Variants in ATP8B4 observed in about 807,000 individuals in gnomAD.
The protein encoded by ATP8B4 is probable phospholipid-transporting ATPase IM.
Under a neutral mutation model 145.6 loss-of-function variants are expected in ATP8B4, and 133 were observed. The ratio of observed to expected loss-of-function variants is 0.91; its 90% CI spans 0.79 to 1.05. ATP8B4 has a LOEUF of 1.05. ATP8B4 is among the 50% of genes least tolerant of loss of function. The pLI is 0.00. For missense variants in ATP8B4, 1,458 were observed against 1,425.2 expected (o/e 1.02, Z -0.37); for synonymous variants, 507 against 492.9 (o/e 1.03, Z -0.38).
At chr15:50,070,742 T>C (rs2053674495) in intron 3 of ATP8B4, among the ~76,000 whole-genome samples, 1 of 152,194 alleles carries the variant, frequency 6.6e-6, no homozygotes, top group Non-Finnish European at 1.5e-5. Flanking sequence ...TGTTTTGTTT[T>C]GTTTTGTTTG....
chr15:50,060,552 T>G (rs1251334802), intron 3 of ATP8B4, among the ~76,000 whole-genome samples: 2 of 152,158 alleles, frequency 1.3e-5, no homozygotes, highest in Non-Finnish European at 2.9e-5. Context: ...ATACCTGCCA[T>G]GCAGAGTTGT....
At chr15:50,095,492 A>G (rs1019094858) in intron 2 of ATP8B4, among the ~76,000 whole-genome samples, 1 of 152,208 alleles carries the variant, frequency 6.6e-6, no homozygotes, top group Non-Finnish European at 1.5e-5. Context: ...GCAGTGGCTC[A>G]CACCTGTAAT....
intron 1 of ATP8B4, among the ~76,000 whole-genome samples, chr15:50,160,724 T>C (rs1370193096): frequency 6.6e-6 from 1 of 152,098 alleles, no homozygotes; most frequent in Non-Finnish European, 1.5e-5. Context: ...TATTCTGTTG[T>C]GGTCAGAGAA....
chr15:49,944,600 C>T (rs551339891), intron 14 of ATP8B4, among the ~76,000 whole-genome samples: 1 of 152,080 alleles, frequency 6.6e-6, no homozygotes, highest in Non-Finnish European at 1.5e-5. Flanking sequence ...GAGACTTAGA[C>T]AGCATTACAA....
chr15:50,160,698 T>C (rs2044505193), intron 1 of ATP8B4, among the ~76,000 whole-genome samples: 1 of 152,118 alleles, frequency 6.6e-6, no homozygotes, highest in African/African-American at 2.4e-5. Flanking sequence ...ATTCCTCTTG[T>C]TACTGATTTC....
intron 8 of ATP8B4, among the ~76,000 whole-genome samples, chr15:50,000,969 G>A (rs1298804794): frequency 3.3e-5 from 5 of 151,920 alleles, no homozygotes; most frequent in Admixed American, 2.6e-4. Context: ...ACAGTTGTTT[G>A]TAGTATTTCT....
At chr15:50,102,845 C>T (rs1405880422) in intron 2 of ATP8B4, among the ~76,000 whole-genome samples, 3 of 150,388 alleles carry the variant, frequency 2.0e-5, no homozygotes, top group Non-Finnish European at 3.0e-5. Context: ...AACTCCTCAA[C>T]AAAATACCAG....
intron 14 of ATP8B4, among the ~76,000 whole-genome samples, chr15:49,935,823 A>G (rs1452435056): frequency 2.0e-5 from 3 of 152,190 alleles, no homozygotes; most frequent in Non-Finnish European, 2.9e-5. Context: ...TTCCAAAAAT[A>G]TAGGCATATC....
intron 1 of ATP8B4, among the ~76,000 whole-genome samples, chr15:50,169,340 G>A (rs994759583): frequency 1.2e-4 from 19 of 152,308 alleles, no homozygotes; most frequent in African/African-American, 3.8e-4. Context: ...ACCCATAGAC[G>A]GTTCACATCA....
chr15:50,071,085 T>C (rs2053702809), intron 3 of ATP8B4, among the ~76,000 whole-genome samples: 2 of 152,204 alleles, frequency 1.3e-5, no homozygotes, highest in South Asian at 4.1e-4. Flanking sequence ...CCTTGTTCAA[T>C]CTGCTGTAGC....
At chr15:49,978,282 T>A (rs1320097004) in intron 12 of ATP8B4, among the ~76,000 whole-genome samples, 1 of 152,186 alleles carries the variant, frequency 6.6e-6, no homozygotes, top group Non-Finnish European at 1.5e-5. Flanking sequence ...TACTACAGAC[T>A]TTATAATTGG....
intron 2 of ATP8B4, among the ~76,000 whole-genome samples, chr15:50,094,061 G>A (rs2055792701): frequency 6.6e-6 from 1 of 152,104 alleles, no homozygotes; most frequent in South Asian, 2.1e-4. Context: ...TGTCTGTGAG[G>A]GTGAATTTTG....
At chr15:50,077,572 G>C (rs1358003889) in intron 2 of ATP8B4, among the ~76,000 whole-genome samples, 2 of 152,180 alleles carry the variant, frequency 1.3e-5, no homozygotes, top group African/African-American at 2.4e-5. Context: ...GTATGTTATG[G>C]ACAGGGTGAC....
intron 2 of ATP8B4, among the ~76,000 whole-genome samples, chr15:50,089,754 A>G (rs1408218901): frequency 4.0e-5 from 6 of 151,816 alleles, no homozygotes; most frequent in African/African-American, 1.5e-4. Flanking sequence ...ATGTTTTTAC[A>G]CTGTTGGTGG....
chr15:50,022,205 T>C (rs2049633443), intron 6 of ATP8B4, among the ~76,000 whole-genome samples: 1 of 152,122 alleles, frequency 6.6e-6, no homozygotes, highest in Non-Finnish European at 1.5e-5. Context: ...AAAGTAGACA[T>C]TTTTACTTTT....
intron 12 of ATP8B4, among the ~76,000 whole-genome samples, chr15:49,975,940 C>A (rs2045620750): frequency 6.6e-6 from 1 of 152,200 alleles, no homozygotes; most frequent in Admixed American, 6.5e-5. Context: ...TATTTCTGAT[C>A]TTAGTGGAAA....
chr15:49,902,545 C>T (rs902119926), intron 20 of ATP8B4, among the ~76,000 whole-genome samples: 5 of 152,118 alleles, frequency 3.3e-5, no homozygotes, highest in African/African-American at 1.2e-4. Context: ...CACATGGTTC[C>T]AAGAATCATA....
chr15:49,914,573 T>C (rs1359397566), intron 20 of ATP8B4, among the ~76,000 whole-genome samples: 2 of 152,112 alleles, frequency 1.3e-5, no homozygotes, highest in Admixed American at 6.5e-5. Context: ...TTGCAAAGTA[T>C]TCATCTAACA....
chr15:49,962,104 T>C, intron 13 of ATP8B4, 84 bp from the exon 14 acceptor site: 2 of 1,015,374 alleles, frequency 2.0e-6, no homozygotes, highest in Non-Finnish European at 2.9e-6. Context: ...ACACTTATTA[T>C]TTATTACATC....
Sources: gnomAD v4.1 joint callset for allele counts (sites outside exome capture counted in the v4.1 genomes callset) on GRCh38, gnomAD v4.1.1 for gene constraint, MANE v1.5 for transcripts, NCBI Gene and HGNC (gene_info 2026-07-23, HGNC 2026-07-21) for gene names.